The following REDIC1 variants were observed in gnomAD, a reference collection of about 807,000 sequenced individuals.
REDIC1 encodes the protein regulator of DNA class I crossover intermediates 1.
chr12:39,656,670 C>T, the REDIC1 span, among the ~76,000 whole-genome samples: 19,326 of 152,130 alleles, frequency 0.13, 1,385 homozygotes, highest in East Asian at 0.18. Context: ...TGACAGTTCC[C>T]TGTGAATCAC....
the REDIC1 span, among the ~76,000 whole-genome samples, chr12:39,686,834 G>A: frequency 6.6e-6 from 1 of 152,154 alleles, no homozygotes; most frequent in East Asian, 1.9e-4. Flanking sequence ...GAACATAGGT[G>A]GTTCTTATGA....
the REDIC1 span, chr12:39,646,698 A>T: frequency 3.4e-6 from 2 of 580,118 alleles, no homozygotes; most frequent in Admixed American, 7.5e-5. Context: ...ATTTTTATAA[A>T]ACTTAGTAAT....
At chr12:39,900,539 C>T in the REDIC1 span, among the ~76,000 whole-genome samples, 1 of 151,996 alleles carries the variant, frequency 6.6e-6, no homozygotes, top group Non-Finnish European at 1.5e-5. Flanking sequence ...TCTTATACAC[C>T]AATAACAGAC....
chr12:39,648,482 G>C, the REDIC1 span, among the ~76,000 whole-genome samples: 1 of 151,538 alleles, frequency 6.6e-6, no homozygotes, highest in Non-Finnish European at 1.5e-5. Flanking sequence ...TAGAGATGTA[G>C]TGCTAAAATG....
At chr12:39,631,888 G>C in the REDIC1 span, among the ~76,000 whole-genome samples, 5 of 152,164 alleles carry the variant, frequency 3.3e-5, no homozygotes, top group Admixed American at 6.5e-5. Context: ...TGAAAACTAT[G>C]AGTAACACAT....
At chr12:39,727,054 T>C in the REDIC1 span, among the ~76,000 whole-genome samples, 2 of 152,206 alleles carry the variant, frequency 1.3e-5, no homozygotes, top group Non-Finnish European at 2.9e-5. Context: ...CCTTGCAGAT[T>C]CTGGATATTA....
chr12:39,795,335 A>C, the REDIC1 span, among the ~76,000 whole-genome samples: 1 of 152,084 alleles, frequency 6.6e-6, no homozygotes, highest in Non-Finnish European at 1.5e-5. Flanking sequence ...TTTAAACTTA[A>C]TTTATCATAT....
At chr12:39,764,743 C>A in the REDIC1 span, 1 of 1,612,048 alleles carries the variant, frequency 6.2e-7, no homozygotes. Context: ...TTACCAGGTG[C>A]AAAGAAGACA....
chr12:39,887,089 C>T, the REDIC1 span, among the ~76,000 whole-genome samples: 1 of 152,174 alleles, frequency 6.6e-6, no homozygotes, highest in South Asian at 2.1e-4. Flanking sequence ...AATTCTTACT[C>T]AGTTTATGCA....
At chr12:39,787,775 A>G in the REDIC1 span, among the ~76,000 whole-genome samples, 6 of 152,180 alleles carry the variant, frequency 3.9e-5, no homozygotes, top group African/African-American at 1.4e-4. Flanking sequence ...AGGTGAATGG[A>G]AACAGCTGGG....
the REDIC1 span, among the ~76,000 whole-genome samples, chr12:39,641,595 A>T: frequency 6.6e-6 from 1 of 151,800 alleles, no homozygotes; most frequent in African/African-American, 2.4e-5. Flanking sequence ...ATTATGGCAT[A>T]TGCAAGTAAT....
the REDIC1 span, among the ~76,000 whole-genome samples, chr12:39,711,584 C>T: frequency 5.9e-5 from 3 of 51,026 alleles, no homozygotes; most frequent in East Asian, 5.3e-4. Flanking sequence ...CATACACATG[C>T]ATGTGTATAT....
chr12:39,885,766 T>C, the REDIC1 span, among the ~76,000 whole-genome samples: 1 of 152,178 alleles, frequency 6.6e-6, no homozygotes, highest in Non-Finnish European at 1.5e-5. Context: ...TCTCAAACTT[T>C]AGTTTGAATT....
chr12:39,776,951 A>T, the REDIC1 span, among the ~76,000 whole-genome samples: 1 of 152,098 alleles, frequency 6.6e-6, no homozygotes, highest in Non-Finnish European at 1.5e-5. Context: ...TTCTTTTTCA[A>T]TTTTTTATAG....
the REDIC1 span, among the ~76,000 whole-genome samples, chr12:39,888,560 G>C: frequency 2.1e-4 from 32 of 152,220 alleles, no homozygotes; most frequent in Admixed American, 7.9e-4. Flanking sequence ...AACTTAGCAG[G>C]GTACCTGTAA....
At chr12:39,700,189 GA>G in the REDIC1 span, among the ~76,000 whole-genome samples, 6 of 151,586 alleles carry the variant, frequency 4.0e-5, no homozygotes, top group South Asian at 2.1e-4. Flanking sequence ...TGAAAACTTT[GA>G]AAAAAAACTT....
chr12:39,812,382 C>CT, the REDIC1 span, among the ~76,000 whole-genome samples: 502 of 101,094 alleles, frequency 5.0e-3, 2 homozygotes, highest in African/African-American at 0.015. Context: ...CTTTTCTTTT[C>CT]TTTCTTTCTC....
chr12:39,836,919 G>A, the REDIC1 span, among the ~76,000 whole-genome samples: 1 of 31,126 alleles, frequency 3.2e-5, no homozygotes, highest in Non-Finnish European at 6.0e-5. Context: ...ACTGCCCAAG[G>A]TAATTTACAG....
the REDIC1 span, among the ~76,000 whole-genome samples, chr12:39,796,737 A>T: frequency 6.6e-6 from 1 of 152,206 alleles, no homozygotes; most frequent in Non-Finnish European, 1.5e-5. Flanking sequence ...TTTTGGTTTC[A>T]GCAGTTCAGC....
Sources: allele counts gnomAD v4.1 joint callset (sites outside exome capture counted in the v4.1 genomes callset), GRCh38; gene constraint gnomAD v4.1.1; transcripts MANE v1.5; gene names NCBI Gene and HGNC (gene_info 2026-07-23, HGNC 2026-07-21).